CCT6B: variants seen among roughly 807,000 people sequenced by gnomAD.
The protein encoded by CCT6B is chaperonin containing TCP1 subunit 6B, also known as probable T-complex protein 1 subunit zeta-2.
A neutral mutation model predicts 61.5 loss-of-function variants in CCT6B; 49 were observed. The observed-to-expected ratio is 0.80, with a 90% CI of 0.63 to 1.01. CCT6B has a LOEUF of 1.01. Ranked by LOEUF, CCT6B falls within the 50% of genes least tolerant of loss-of-function variation. CCT6B has a pLI of 0.00. For synonymous variants in CCT6B, 228 were observed against 214.5 expected (o/e 1.06, Z -0.55); for missense variants, 666 against 634.7 (o/e 1.05, Z -0.53).
At chr17:34,942,928 C>A (rs1028634588) in intron 5 of CCT6B, 22 bp from the exon 6 acceptor site, 17 of 1,368,462 alleles carry the variant, frequency 1.2e-5, no homozygotes, top group Non-Finnish European at 1.7e-5. Flanking sequence ...ATTAATGTTT[C>A]TTACTTTGAA....
At chr17:34,952,533 C>A (rs182717262) in intron 4 of CCT6B, among the ~76,000 whole-genome samples, 1 of 152,116 alleles carries the variant, frequency 6.6e-6, no homozygotes, top group Non-Finnish European at 1.5e-5. Flanking sequence ...CATGTTTTAT[C>A]GTGAAAAGTT....
Position 34,958,569 on chromosome 17 carries a change from G to C in CCT6B, c.327C>G (p.Tyr109Ter). 6.4e-7 allele frequency: 1 copy of C among 1,552,724 alleles called. No individual in the cohort carries two copies. The part of the protein sequence containing the change: ...IGELLKQADL[Y>*]ISEGLHPRII... ...TGTGAAATTCTAATACCTCAGAAAT[G>C]TACAGGTCAGCTTGTTTTAATAACT... Residue 109 changes from tyrosine (Y) to a stop codon, truncating the protein, a stop_gained, in exon 3 of 14, where the codon TAC (tyrosine) becomes TAG (stop). Transcript: ENST00000314144. LOFTEE classifies it high-confidence loss of function.
rs112128748 is a variant in CCT6B at position 34,938,487 on chromosome 17, T to G, written c.1213+696A>C. On this transcript the variant is annotated intron_variant, in intron 10 of 13. Coordinates refer to ENST00000314144, the MANE Select transcript of CCT6B (RefSeq NM_006584.4). ...GGGAGGATCACTTGAGCACAGGGGTTTGAGGCTGCAGTGAGCCATGATTGT... is the reference window on the plus strand; with the variant it reads ...GGGAGGATCACTTGAGCACAGGGGTGTGAGGCTGCAGTGAGCCATGATTGT... 5.9e-3 allele frequency among the ~76,000 whole-genome samples: 892 copies of G among 152,220 alleles called. 11 individuals carry two copies. Among genetic ancestry groups the G allele is most frequent in the African/African-American group, 0.02 (813 of 41,552 alleles).
chr17:34,954,456 A>T lies in CCT6B; in HGVS notation c.480T>A (p.Val160=). 1 of 1,612,516 alleles carries T rather than the reference A, an allele frequency of 6.2e-7. No homozygotes were observed. The highest frequency in any genetic ancestry group is 8.5e-7 in the Non-Finnish European group (1 of 1,179,518). Residue 160 remains valine (V), a synonymous_variant, in exon 4 of 14, where the codon GTT becomes GTA. Coordinates refer to ENST00000314144, the MANE Select transcript of CCT6B (RefSeq NM_006584.4). ...TTAAGACATCAGCCAGTTCAGCATG[A>T]ACTTTAGTTTGTAATGATGTTCTAG... ...DVARTSLQTK[V]HAELADVLTE... is the part of the protein sequence containing the mutation.
At chr17:34,951,132 C>T (rs763555194) in intron 5 of CCT6B, among the ~76,000 whole-genome samples, 19 of 151,874 alleles carry the variant, frequency 1.3e-4, no homozygotes, top group Non-Finnish European at 1.3e-4. Flanking sequence ...ACAGACTGTG[C>T]GTAGATCTTA....
intron 12 of CCT6B, 67 bp downstream of exon 12, chr17:34,930,882 C>T (rs1271810380): frequency 2.7e-6 from 2 of 753,060 alleles, no homozygotes; most frequent in Non-Finnish European, 4.5e-6. Flanking sequence ...TACTCCTTTA[C>T]CATAAGATCT....
chr17:34,930,608 T>C (rs1044581601), intron 12 of CCT6B, among the ~76,000 whole-genome samples: 3 of 152,334 alleles, frequency 2.0e-5, no homozygotes, highest in East Asian at 1.9e-4. Context: ...ATCATTATTA[T>C]AGCACTCTTT....
intron 5 of CCT6B, among the ~76,000 whole-genome samples, chr17:34,946,405 T>C (rs181951714): frequency 2.6e-5 from 4 of 152,102 alleles, no homozygotes; most frequent in Admixed American, 2.6e-4. Context: ...ATTAAACATA[T>C]GTTTAAAGAA....
In CCT6B at chr17:34,939,299, C is replaced by T; in HGVS notation, c.1097G>A (p.Cys366Tyr). 1.2e-6 allele frequency: 2 copies of T among 1,613,558 alleles called. No individual in the cohort carries two copies. The highest frequency in any genetic ancestry group is 1.7e-6 in the Non-Finnish European group (2 of 1,179,702). Residue 366 changes from cysteine (C) to tyrosine (Y), a missense_variant, in exon 10 of 14, where the codon TGT (cysteine) becomes TAT (tyrosine). Physicochemically the swap from Cys to Tyr is radical, Grantham distance 194. Transcript: ENST00000314144. ...CAAGGTAACAGAGCAAGGGTTAACA[C>T]ACTCCTCAATAAAAGTGAACTTTTC... ...GEEKFTFIEECVNPCSVTLLV... is the reference protein window; with the variant it reads ...GEEKFTFIEEYVNPCSVTLLV...
At chr17:34,942,728 G>T in intron 6 of CCT6B, 68 bp downstream of exon 6, 2 of 1,487,998 alleles carry the variant, frequency 1.3e-6, no homozygotes, top group African/African-American at 1.4e-5. Flanking sequence ...CATCTGGAAG[G>T]AAAAAGAGAT....
chr17:34,931,193 A>G (rs2090031937), intron 11 of CCT6B, 142 bp from the exon 12 acceptor site: 1 of 258,228 alleles, frequency 3.9e-6, no homozygotes, highest in Admixed American at 5.2e-5. Flanking sequence ...TCCACTTTTA[A>G]TCTAAATCAA....
rs116562403 is a variant in CCT6B, at chr17:34,954,578, C to T, written c.358G>A (p.Ala120Thr). 5.8e-5 allele frequency: 93 copies of T among 1,613,404 alleles called. No homozygotes were observed. In the African/African-American group the frequency reaches 1.1e-3, roughly 19 times the overall value. Reference protein sequence around the residue: ...ISEGLHPRIIAEGFEAAKIKA... With the variant: ...ISEGLHPRIITEGFEAAKIKA... Reference sequence around the variant, plus strand: ...ATCTTTGCAGCTTCAAATCCTTCAGCTATTATTCTAGGGTGCAGGCCCTGT... The same window carrying T: ...ATCTTTGCAGCTTCAAATCCTTCAGTTATTATTCTAGGGTGCAGGCCCTGT... The change falls in exon 4 of 14, where the codon GCT becomes ACT. Residue 120 changes from alanine to threonine, a missense_variant. Transcript: ENST00000314144.
At chr17:34,955,245 A>G (rs955524280) in intron 3 of CCT6B, among the ~76,000 whole-genome samples, 1 of 152,230 alleles carries the variant, frequency 6.6e-6, no homozygotes, top group African/African-American at 2.4e-5. Context: ...CAATGCATGA[A>G]CTTAGATCTT....
At chr17:34,946,902 C>T (rs1567669536) in intron 5 of CCT6B, among the ~76,000 whole-genome samples, 2 of 152,116 alleles carry the variant, frequency 1.3e-5, no homozygotes, top group Non-Finnish European at 2.9e-5. Context: ...TGAAAGGAAG[C>T]AAAAGAGGGG....
chr17:34,957,372 G>A (rs1037370749), intron 3 of CCT6B, among the ~76,000 whole-genome samples: 2 of 151,780 alleles, frequency 1.3e-5, no homozygotes, highest in African/African-American at 4.8e-5. Context: ...TCGAACTCCC[G>A]ACCTCAGGTG....
At chr17:34,930,299 A>T (rs1034707190) in intron 12 of CCT6B, among the ~76,000 whole-genome samples, 6 of 152,040 alleles carry the variant, frequency 3.9e-5, no homozygotes, top group Admixed American at 6.6e-5. Flanking sequence ...GCCATGTCAC[A>T]CCTCTGCTCA....
At chr17:34,934,620 A>G (rs1426275354) in intron 10 of CCT6B, among the ~76,000 whole-genome samples, 1 of 152,198 alleles carries the variant, frequency 6.6e-6, no homozygotes, top group Non-Finnish European at 1.5e-5. Flanking sequence ...AAAAAAACAA[A>G]ACCTTTATAG....
At chr17:34,937,556 T>G (rs939323449) in intron 10 of CCT6B, among the ~76,000 whole-genome samples, 4 of 152,154 alleles carry the variant, frequency 2.6e-5, no homozygotes, top group Non-Finnish European at 5.9e-5. Flanking sequence ...TTGCACCATA[T>G]ACAAAATTTA....
intron 9 of CCT6B, 74 bp downstream of exon 9, chr17:34,939,543 G>A: frequency 1.0e-6 from 1 of 972,724 alleles, no homozygotes; most frequent in African/African-American, 1.7e-5. Context: ...TGAAATAAAA[G>A]GTCAAGTAGT....
Sources: gnomAD v4.1 joint callset for allele counts (sites outside exome capture counted in the v4.1 genomes callset) on GRCh38, gnomAD v4.1.1 for gene constraint, MANE v1.5 for transcripts, NCBI Gene and HGNC (gene_info 2026-07-23, HGNC 2026-07-21) for gene names.